The following CFAP43 variants were observed in gnomAD, a reference collection of about 807,000 sequenced individuals.
The protein encoded by CFAP43 is cilia- and flagella-associated protein 43.
Under a neutral mutation model 218.9 loss-of-function variants are expected in CFAP43, and 155 were observed. The observed-to-expected ratio is 0.71, with a 90% CI of 0.62 to 0.81. CFAP43 has a LOEUF of 0.81. Among genes scored for constraint, CFAP43 ranks in the 30% least tolerant of loss-of-function variants. The probability of loss-of-function intolerance (pLI) is 0.00; values close to 1 mark genes in which losing one functional copy is unlikely to be tolerated. For synonymous variants in CFAP43, 645 were observed against 681.3 expected (o/e 0.95, Z 0.83); for missense variants, 1,778 against 1,954.3 (o/e 0.91, Z 1.70).
intron 8 of CFAP43, 61 bp downstream of exon 8, chr10:104,203,611 T>C (rs901952865): frequency 6.8e-7 from 1 of 1,478,632 alleles, no homozygotes; most frequent in Non-Finnish European, 9.2e-7. Context: ...ATTCCTGTCA[T>C]GTAATGATGA....
At chr10:104,224,444 T>A (rs1403419567) in intron 3 of CFAP43, among the ~76,000 whole-genome samples, 1 of 152,060 alleles carries the variant, frequency 6.6e-6, no homozygotes, top group East Asian at 1.9e-4. Flanking sequence ...TATCTGTTAG[T>A]TATACCTCAA....
chr10:104,202,762 A>T (rs922518697), intron 8 of CFAP43, among the ~76,000 whole-genome samples: 2 of 149,160 alleles, frequency 1.3e-5, no homozygotes, highest in African/African-American at 2.5e-5. Context: ...CTAGTTTCCT[A>T]TTCTCCATAG....
At chr10:104,131,877 C>T (rs997228149) in intron 36 of CFAP43, among the ~76,000 whole-genome samples, 3 of 152,080 alleles carry the variant, frequency 2.0e-5, no homozygotes, top group African/African-American at 7.2e-5. Context: ...AATAGAAAAT[C>T]CACTTACACT....
At chr10:104,171,346 T>C (rs1384252193) in intron 20 of CFAP43, among the ~76,000 whole-genome samples, 1 of 152,256 alleles carries the variant, frequency 6.6e-6, no homozygotes, top group East Asian at 1.9e-4. Context: ...CTTGTCCTAA[T>C]TGTTATCCAC....
intron 14 of CFAP43, among the ~76,000 whole-genome samples, chr10:104,186,606 T>A (rs2090039565): frequency 1.3e-5 from 2 of 152,178 alleles, no homozygotes; most frequent in African/African-American, 4.8e-5. Context: ...GTATGCAATA[T>A]CTCTCCATGT....
intron 16 of CFAP43, among the ~76,000 whole-genome samples, chr10:104,184,313 T>C (rs1355805326): frequency 1.3e-5 from 2 of 152,126 alleles, no homozygotes; most frequent in African/African-American, 4.8e-5. Context: ...CTAAGCAAAA[T>C]CTAATTAGGA....
intron 19 of CFAP43, 68 bp from the exon 20 acceptor site, chr10:104,172,603 GT>G: frequency 7.4e-7 from 1 of 1,345,624 alleles, no homozygotes; most frequent in Non-Finnish European, 9.8e-7. Flanking sequence ...AATTTTCTTA[GT>G]TTCTTTTAGG....
chr10:104,153,061 C>T (rs752405174), intron 27 of CFAP43, among the ~76,000 whole-genome samples: 1 of 152,146 alleles, frequency 6.6e-6, no homozygotes, highest in South Asian at 2.1e-4. Flanking sequence ...AATCTCCAGA[C>T]ACATGATTTA....
chr10:104,227,009 C>A (rs991771101), intron 2 of CFAP43, among the ~76,000 whole-genome samples: 2 of 152,022 alleles, frequency 1.3e-5, no homozygotes, highest in Non-Finnish European at 2.9e-5. Flanking sequence ...CAGAGCAAGA[C>A]TCTGTCTCAT....
In CFAP43 at chr10:104,218,924, C is replaced by T. The variant is rs374416355; in HGVS notation, c.417-4498G>A. 7.4e-5 allele frequency: 34 copies of T among 461,420 alleles called. No individual in the cohort carries two copies. In the East Asian group the frequency reaches 1.7e-3, roughly 23 times the overall value. 28.6% of individuals were successfully genotyped at this position (461,420 alleles called of 1,614,324 possible). Reference sequence around the variant, plus strand: ...ACTGGACGCTGACCCCGAGGAGCCACCACACCAACCACAGCTGCTCGTGCC... The same window carrying T: ...ACTGGACGCTGACCCCGAGGAGCCATCACACCAACCACAGCTGCTCGTGCC... On this transcript the variant is annotated intron_variant, in intron 3 of 37. Transcript: ENST00000357060.
chr10:104,139,330 T>A (rs896479305), intron 34 of CFAP43, among the ~76,000 whole-genome samples: 3 of 151,966 alleles, frequency 2.0e-5, no homozygotes, highest in African/African-American at 7.3e-5. Context: ...AAATAAGAAT[T>A]TTCCAAAGAT....
At chr10:104,171,082 T>C (rs1245815475) in intron 20 of CFAP43, among the ~76,000 whole-genome samples, 1 of 152,216 alleles carries the variant, frequency 6.6e-6, no homozygotes, top group African/African-American at 2.4e-5. Context: ...TGGTTTTCTT[T>C]GACCACAGAA....
intron 19 of CFAP43, among the ~76,000 whole-genome samples, chr10:104,173,439 G>C (rs1589700871): frequency 6.6e-6 from 1 of 152,204 alleles, no homozygotes; most frequent in Non-Finnish European, 1.5e-5. Flanking sequence ...ACAGGAACAA[G>C]GGTTTACCTA....
chr10:104,138,838 A>C (rs960888259), intron 34 of CFAP43, among the ~76,000 whole-genome samples: 4 of 152,208 alleles, frequency 2.6e-5, no homozygotes, highest in African/African-American at 9.6e-5. Flanking sequence ...GTTGTGGCAA[A>C]TGTACCATAC....
intron 12 of CFAP43, among the ~76,000 whole-genome samples, chr10:104,189,656 G>T (rs2090141492): frequency 6.6e-6 from 1 of 152,018 alleles, no homozygotes; most frequent in Admixed American, 6.6e-5. Flanking sequence ...ATAAAATGTG[G>T]ACCAGGGTTC....
At chr10:104,132,758 A>G in intron 35 of CFAP43, 1 of 981,602 alleles carries the variant, frequency 1.0e-6, no homozygotes, top group Non-Finnish European at 1.2e-6. Flanking sequence ...TCATTAATTC[A>G]TTTATTCAAC....
chr10:104,195,946 A>C (rs2090370497), intron 10 of CFAP43, among the ~76,000 whole-genome samples: 2 of 152,230 alleles, frequency 1.3e-5, no homozygotes, highest in Non-Finnish European at 2.9e-5. Flanking sequence ...TTGTGCATTA[A>C]TTATGCACTT....
chr10:104,173,302 T>C (rs1442929355), intron 19 of CFAP43, among the ~76,000 whole-genome samples: 3 of 152,130 alleles, frequency 2.0e-5, no homozygotes, highest in African/African-American at 7.2e-5. Flanking sequence ...AAAAAAGGAA[T>C]AGAATCCTTC....
At chr10:104,170,074 A>ATCCTAAACATGCTGAAAGC (rs2089344623) in intron 20 of CFAP43, among the ~76,000 whole-genome samples, 1 of 152,074 alleles carries the variant, frequency 6.6e-6, no homozygotes, top group African/African-American at 2.4e-5. Flanking sequence ...TAGTATTCTG[A>ATCCTAAACATGCTGAAAGC]TCCTAAACAT....
Sources: allele counts gnomAD v4.1 joint callset (sites outside exome capture counted in the v4.1 genomes callset), GRCh38; gene constraint gnomAD v4.1.1; transcripts MANE v1.5; gene names NCBI Gene and HGNC (gene_info 2026-07-23, HGNC 2026-07-21).